The following NLN variants were observed in gnomAD, a reference collection of about 807,000 sequenced individuals.
NLN encodes neurolysin, mitochondrial.
A neutral mutation model predicts 79.9 loss-of-function variants in NLN; 64 were observed. The ratio of observed to expected loss-of-function variants is 0.80; its 90% CI spans 0.65 to 0.99. The LOEUF (loss-of-function observed/expected upper bound fraction) is 0.99, where lower values mean the gene tolerates loss of function less well. NLN is among the 50% of genes least tolerant of loss of function. The pLI is 0.00. For synonymous variants in NLN, 267 were observed against 296.6 expected (o/e 0.90, Z 1.02); for missense variants, 835 against 858.7 (o/e 0.97, Z 0.34).
chr5:65,793,406 G>A (rs969282073), intron 9 of NLN: 2 of 153,414 alleles, frequency 1.3e-5, no homozygotes, highest in African/African-American at 4.8e-5. Context: ...CCAGCACTTT[G>A]GGAGGCCAAG....
chr5:65,810,287 G>T (rs2150774089), intron 11 of NLN, 122 bp downstream of exon 11: 1 of 855,720 alleles, frequency 1.2e-6, no homozygotes, highest in East Asian at 2.7e-5. Context: ...CTGTAATCAG[G>T]CCATGACTTT....
intron 1 of NLN, among the ~76,000 whole-genome samples, chr5:65,739,386 A>G (rs1051131380): frequency 2.0e-5 from 3 of 152,102 alleles, no homozygotes; most frequent in African/African-American, 7.2e-5. Flanking sequence ...TTCATTGTGT[A>G]TGTATACCAC....
Position 65,824,716 on chromosome 5 carries a change from G to A in NLN, c.*1801G>A, listed in dbSNP as rs1013046642. The A allele has an allele frequency of 3.3e-5, 5 of 152,104 alleles. No homozygotes were observed. Among genetic ancestry groups the A allele is most frequent in the African/African-American group, 7.2e-5 (3 of 41,404 alleles). The allele number at this position is 152,104 out of a possible 1,614,324, so 9.4% of individuals were successfully genotyped here. A position where few individuals can be genotyped will look rare whatever the true frequency, so the allele number is the denominator to read the frequency against. On this transcript the variant is annotated 3_prime_UTR_variant, in exon 13 of 13. Transcript: ENST00000380985. ...ACTCATATTTCTTTCATACTTTAAC[G>A]TTAAAACCGAAATGCATGAGAGCAA...
rs1760944618 is a variant in NLN at position 65,827,651 on chromosome 5, G to T, written c.*4736G>T. 6.6e-6 allele frequency: 1 copy of T among 152,260 alleles called. No individual in the cohort carries two copies. The highest frequency in any genetic ancestry group is 1.5e-5 in the Non-Finnish European group (1 of 68,014). The allele number at this position is 152,260 out of a possible 1,614,324, so 9.4% of individuals were successfully genotyped here. On this transcript the variant is annotated 3_prime_UTR_variant, in exon 13 of 13. Transcript: ENST00000380985. ...TCATTTGGCTAAAAATGAAAAAAAA[G>T]TCCCATAAAAAGGTATCAAATGTAC...
At chr5:65,763,623 GC>G (rs1271680949) in intron 3 of NLN, among the ~76,000 whole-genome samples, 6 of 151,792 alleles carry the variant, frequency 4.0e-5, no homozygotes, top group Non-Finnish European at 5.9e-5. Context: ...TTGCCTCCTA[GC>G]AGCTTTCAAT....
At chr5:65,764,852 T>C (rs1296215551) in intron 3 of NLN, among the ~76,000 whole-genome samples, 2 of 152,230 alleles carry the variant, frequency 1.3e-5, no homozygotes, top group African/African-American at 4.8e-5. Context: ...TGAAGGTCAT[T>C]AGGTGAATTT....
rs758444429 is a variant in NLN at position 65,812,274 on chromosome 5, C to T, written c.1863C>T (p.Thr621=). Residue 621 remains threonine (T), a synonymous_variant, in exon 12 of 13, where the codon ACC becomes ACT. Coordinates refer to ENST00000380985, the MANE Select transcript of NLN (RefSeq NM_020726.5). The stretch of plus-strand genomic sequence containing the variant: ...TTAAAGGCACAAATATGCCAGCTAC[C>T]TTTGGACATTTGGCAGGGGGATACG... ...AATPGTNMPA[T]FGHLAGGYDG... 8 of 1,613,452 alleles carry T rather than the reference C, an allele frequency of 5.0e-6. No individual in the cohort carries two copies. In the Admixed American group the frequency reaches 1.0e-4, roughly 20 times the overall value.
chr5:65,791,243 GA>G lies in NLN; in HGVS notation c.1326-1208del, dbSNP rs1463559955. ...TCAAGACCAGCTTGGTCAACATGGT[GA>G]AACCCCATCTCTAGTAAAAATACAA... On this transcript the variant is annotated intron_variant, in intron 8 of 12. Transcript: ENST00000380985. 9.2e-5 allele frequency among the ~76,000 whole-genome samples: 14 copies of G among 151,962 alleles called. No homozygotes were observed. In the East Asian group the frequency reaches 2.7e-3, roughly 29 times the overall value.
chr5:65,771,082 C>G (rs372151652), intron 3 of NLN, among the ~76,000 whole-genome samples: 24 of 152,024 alleles, frequency 1.6e-4, no homozygotes, highest in African/African-American at 5.8e-4. Context: ...TTAATTTGTC[C>G]TCACTACATA....
At chr5:65,736,846 A>G (rs568822879) in intron 1 of NLN, among the ~76,000 whole-genome samples, 1 of 152,294 alleles carries the variant, frequency 6.6e-6, no homozygotes, top group African/African-American at 2.4e-5. Context: ...CACGCCTGTA[A>G]TCTCAACACT....
At chr5:65,781,506 C>A in intron 6 of NLN, 85 bp downstream of exon 6, 1 of 959,834 alleles carries the variant, frequency 1.0e-6, no homozygotes, top group Non-Finnish European at 1.6e-6. Flanking sequence ...TCAAAGTCAG[C>A]TCAGAGACTG....
chr5:65,770,722 A>G (rs981947359), intron 3 of NLN, among the ~76,000 whole-genome samples: 1 of 152,204 alleles, frequency 6.6e-6, no homozygotes, highest in African/African-American at 2.4e-5. Flanking sequence ...ATATTGAACA[A>G]GTGTTCATAG....
At chr5:65,757,404 G>A (rs1759243323) in intron 1 of NLN, among the ~76,000 whole-genome samples, 1 of 152,164 alleles carries the variant, frequency 6.6e-6, no homozygotes, top group Non-Finnish European at 1.5e-5. Flanking sequence ...CTTTAGGCAA[G>A]TTACTTAACT....
At position 65,812,137 on chromosome 5, in the gene NLN, T is replaced by A. The variant is rs1040749678; in HGVS notation, c.1844-118T>A. The A allele has an allele frequency of 6.3e-6, 5 of 799,978 alleles. No homozygotes were observed. The African/African-American group carries it at 8.6e-5, about 14-fold the overall frequency. The allele number at this position is 799,978 out of a possible 1,614,324, so 49.6% of individuals were successfully genotyped here. A position where few individuals can be genotyped will look rare whatever the true frequency, so the allele number is the denominator to read the frequency against. On this transcript the variant is annotated intron_variant, in intron 11 of 12. Transcript: ENST00000380985. ...AGCCCAAGGAGTACTAGAGGTGAGA[T>A]CATGTCATTCATTCTCTCCTCCCAC...
chr5:65,762,987 A>T lies in NLN; in HGVS notation c.329A>T (p.Gln110Leu). The part of the protein sequence containing the change: ...IVERTMLDFP[Q>L]HVSSDKEVRA... Reference sequence around the variant, plus strand: ...GAAAGGACCATGCTAGACTTTCCCCAGCATGTATCCTCTGACAAAGAAGTA... The same window carrying T: ...GAAAGGACCATGCTAGACTTTCCCCTGCATGTATCCTCTGACAAAGAAGTA... Residue 110 changes from glutamine (Q) to leucine (L), a missense_variant, in exon 3 of 13, where the codon CAG becomes CTG. By Grantham distance (113) the Gln-to-Leu change is moderately radical. Transcript: ENST00000380985. The T allele has an allele frequency of 6.2e-7, 1 of 1,614,004 alleles. No individual in the cohort carries two copies. Among genetic ancestry groups the T allele is most frequent in the Non-Finnish European group, 8.5e-7 (1 of 1,179,932 alleles).
intron 4 of NLN, among the ~76,000 whole-genome samples, chr5:65,778,728 A>G (rs182129492): frequency 6.4e-4 from 98 of 152,156 alleles, no homozygotes; most frequent in African/African-American, 2.1e-3. Context: ...TGATTTTTCT[A>G]TTTCTCTACT....
At position 65,758,561 on chromosome 5, in the gene NLN, T is replaced by A; in HGVS notation, c.42-6T>A. 1 of 1,596,066 alleles carries A rather than the reference T, an allele frequency of 6.3e-7. No homozygotes were observed. Among genetic ancestry groups the A allele is most frequent in the Non-Finnish European group, 8.6e-7 (1 of 1,164,814 alleles). On this transcript the variant is annotated splice_region_variant and splice_polypyrimidine_tract_variant and intron_variant, in intron 1 of 12. Transcript: ENST00000380985. ...TAATTCTTATTCTTTTTCTGATTCT[T>A]TTTAGAGTTGGTGGTTCCAGGATTT...
chr5:65,772,050 G>A (rs1759580869), intron 3 of NLN, among the ~76,000 whole-genome samples: 1 of 149,420 alleles, frequency 6.7e-6, no homozygotes, highest in Non-Finnish European at 1.5e-5. Context: ...ATATGTAAGT[G>A]TAGTCATTGG....
At chr5:65,784,548 G>A (rs966454847) in intron 6 of NLN, among the ~76,000 whole-genome samples, 1 of 152,156 alleles carries the variant, frequency 6.6e-6, no homozygotes, top group African/African-American at 2.4e-5. Context: ...CATGGCAGAA[G>A]GGGGAAGGGC....
Sources: gnomAD v4.1 joint callset for allele counts (sites outside exome capture counted in the v4.1 genomes callset) on GRCh38, gnomAD v4.1.1 for gene constraint, MANE v1.5 for transcripts, NCBI Gene and HGNC (gene_info 2026-07-23, HGNC 2026-07-21) for gene names.